FNIP2: variants seen among roughly 807,000 people sequenced by gnomAD.
FNIP2 encodes folliculin-interacting protein 2.
A neutral mutation model predicts 108.7 loss-of-function variants in FNIP2; 32 were observed. The observed-to-expected ratio is 0.29, with a 90% CI of 0.22 to 0.40. The LOEUF (loss-of-function observed/expected upper bound fraction) is 0.40. FNIP2 is among the 10% of genes least tolerant of loss of function. The probability of loss-of-function intolerance (pLI) is 1.00; values close to 1 mark genes in which losing one functional copy is unlikely to be tolerated. For synonymous variants in FNIP2, 480 were observed against 496.7 expected, an observed-to-expected ratio of 0.97 and a Z score of 0.45; for missense variants, 1,202 against 1,381.6, an observed-to-expected ratio of 0.87 and a Z score of 2.06.
intron 1 of FNIP2, among the ~76,000 whole-genome samples, chr4:158,785,220 G>A (rs1270240463): frequency 6.6e-6 from 1 of 151,388 alleles, no homozygotes; most frequent in Admixed American, 6.6e-5. Flanking sequence ...GAGTAGATGG[G>A]ACTACAAGCA....
intron 1 of FNIP2, among the ~76,000 whole-genome samples, chr4:158,794,410 C>T (rs1776515921): frequency 6.6e-6 from 1 of 152,176 alleles, no homozygotes; most frequent in Non-Finnish European, 1.5e-5. Flanking sequence ...CCCAAGTGAG[C>T]CTCGGCCTCC....
chr4:158,788,493 T>A (rs966004416), intron 1 of FNIP2, among the ~76,000 whole-genome samples: 8 of 152,244 alleles, frequency 5.3e-5, no homozygotes, highest in Admixed American at 4.6e-4. Flanking sequence ...TGTGATGATC[T>A]TTTTGCCTTT....
At chr4:158,777,171 G>C (rs1380642617) in intron 1 of FNIP2, among the ~76,000 whole-genome samples, 1 of 152,162 alleles carries the variant, frequency 6.6e-6, no homozygotes, top group East Asian at 1.9e-4. Context: ...GAAATTGTTA[G>C]CTGTGGGTTG....
At chr4:158,880,576 A>T (rs1254393496) in intron 14 of FNIP2, among the ~76,000 whole-genome samples, 1 of 152,232 alleles carries the variant, frequency 6.6e-6, no homozygotes, top group Non-Finnish European at 1.5e-5. Flanking sequence ...TGTACCTTAG[A>T]ACTTAAAGTA....
At chr4:158,783,524 ACTTTT>A (rs1776119607) in intron 1 of FNIP2, among the ~76,000 whole-genome samples, 1 of 152,218 alleles carries the variant, frequency 6.6e-6, no homozygotes, top group African/African-American at 2.4e-5. Flanking sequence ...TGAAGACTCC[ACTTTT>A]CTTTTCATCT....
rs542102688 is a variant in FNIP2 at position 158,861,608 on chromosome 4, T to G, written c.1297T>G (p.Phe433Val). Reference protein sequence around the residue: ...LLIEQINKNQFFAALLTAVLT... With the variant: ...LLIEQINKNQVFAALLTAVLT... ...TGTATCTTTTTCCATTTCTCCAAGG[T>G]TTTTTGCTGCCTTACTGACTGCGGT... The change falls in exon 12 of 17, where the codon TTT (phenylalanine) becomes GTT (valine). Residue 433 changes from phenylalanine (F) to valine (V), a missense_variant and splice_region_variant. Phe to Val is a conservative substitution (Grantham distance 50). This residue lies in a region of FNIP2 where 878 missense variants were observed against 990.3 expected (regional missense o/e 0.89). Coordinates refer to ENST00000264433, the MANE Select transcript of FNIP2 (RefSeq NM_020840.3). The G allele has an allele frequency of 6.2e-7, 1 of 1,613,958 alleles. No homozygotes were observed. The highest frequency in any genetic ancestry group is 1.3e-5 in the African/African-American group (1 of 75,026).
chr4:158,849,694 C>A (rs1258396035), intron 7 of FNIP2, among the ~76,000 whole-genome samples: 7 of 151,966 alleles, frequency 4.6e-5, no homozygotes, highest in Admixed American at 4.6e-4. Context: ...GAAAAATTAC[C>A]TGTTCACTGA....
chr4:158,873,666 T>A (rs888628107), intron 14 of FNIP2, among the ~76,000 whole-genome samples: 1 of 152,262 alleles, frequency 6.6e-6, no homozygotes, highest in Non-Finnish European at 1.5e-5. Flanking sequence ...TTCATTTTTA[T>A]TACTGACTTT....
chr4:158,801,045 C>T (rs1226648792), intron 1 of FNIP2, among the ~76,000 whole-genome samples: 1 of 152,032 alleles, frequency 6.6e-6, no homozygotes, highest in Admixed American at 6.6e-5. Context: ...CAGGTAGTTC[C>T]ACATTTTAAG....
rs532853556 is a variant in FNIP2, at chr4:158,859,142, A to C, written c.943A>C (p.Ile315Leu). Residue 315 changes from isoleucine (I) to leucine (L), a missense_variant, in exon 9 of 17, where the codon ATC becomes CTC. By Grantham distance (5) the Ile-to-Leu change is conservative. Around this residue, in one of 5 missense-constraint regions of FNIP2, gnomAD observed 878 missense variants for 990.3 expected, o/e 0.89. Coordinates refer to ENST00000264433, the MANE Select transcript of FNIP2 (RefSeq NM_020840.3). Reference sequence around the variant, plus strand: ...TAGGAGGAAGAAAATTGCCATAAGCATCATCTTTTCCCTATGTGAGAAAGA... The same window carrying C: ...TAGGAGGAAGAAAATTGCCATAAGCCTCATCTTTTCCCTATGTGAGAAAGA... ...MVRRKKIAIS[I>L]IFSLCEKEEA... 6.2e-7 allele frequency: 1 copy of C among 1,614,032 alleles called. No homozygotes were observed. The highest frequency in any genetic ancestry group is 1.7e-5 in the Admixed American group (1 of 60,030).
chr4:158,861,147 C>G (rs930954173), intron 10 of FNIP2, among the ~76,000 whole-genome samples, 195 bp from the exon 11 acceptor site: 1 of 152,206 alleles, frequency 6.6e-6, no homozygotes, highest in African/African-American at 2.4e-5. Flanking sequence ...CCCAGTAAAA[C>G]TTTTTATTTA....
intron 1 of FNIP2, among the ~76,000 whole-genome samples, chr4:158,774,886 C>G (rs1457447162): frequency 2.0e-5 from 3 of 152,096 alleles, no homozygotes; most frequent in African/African-American, 7.2e-5. Flanking sequence ...AATTTTAAGT[C>G]CTGAAATTTG....
At chr4:158,839,818 C>A (rs1005075379) in intron 7 of FNIP2, among the ~76,000 whole-genome samples, 2 of 152,104 alleles carry the variant, frequency 1.3e-5, no homozygotes, top group Non-Finnish European at 2.9e-5. Context: ...ACAAGATGCT[C>A]CAGAGTCATC....
chr4:158,861,752 T>A lies in FNIP2; in HGVS notation c.1441T>A (p.Tyr481Asn), dbSNP rs772410029. The change falls in exon 12 of 17, where the codon TAT becomes AAT. Residue 481 changes from tyrosine (Y) to asparagine (N), a missense_variant. Tyr to Asn is a moderately radical substitution (Grantham distance 143). Around this residue, in one of 5 missense-constraint regions of FNIP2, gnomAD observed 878 missense variants for 990.3 expected, o/e 0.89. Coordinates refer to ENST00000264433, the MANE Select transcript of FNIP2 (RefSeq NM_020840.3). Reference sequence around the variant, plus strand: ...GAACATGCTGGCCAAAACACATCCGTATAATCCTCTTTGGGCACAGCTGGG... The same window carrying A: ...GAACATGCTGGCCAAAACACATCCGAATAATCCTCTTTGGGCACAGCTGGG... ...SVNMLAKTHP[Y>N]NPLWAQLGDL... 3 of 1,614,038 alleles carry A rather than the reference T, an allele frequency of 1.9e-6. No individual in the cohort carries two copies. Among genetic ancestry groups the A allele is most frequent in the Admixed American group, 3.3e-5 (2 of 60,030 alleles).
Position 158,873,922 on chromosome 4 carries a change from A to T in FNIP2, c.2949+3453A>T, listed in dbSNP as rs372705064. The stretch of plus-strand genomic sequence containing the variant: ...CAGGCGTATGCGCCAGCAGCATTCT[A>T]TGCCTGTGACTCCTGAGTAGCCTTT... On this transcript the variant is annotated intron_variant, in intron 14 of 16. Coordinates refer to ENST00000264433, the MANE Select transcript of FNIP2 (RefSeq NM_020840.3). Among the ~76,000 whole-genome samples the T allele has an allele frequency of 1.5e-4, 23 of 152,274 alleles. 1 individual carries two copies. Among genetic ancestry groups the T allele is most frequent in the Admixed American group, 7.8e-4 (12 of 15,294 alleles).
intron 16 of FNIP2, among the ~76,000 whole-genome samples, chr4:158,903,997 T>G (rs957830347): frequency 6.6e-6 from 1 of 152,238 alleles, no homozygotes; most frequent in African/African-American, 2.4e-5. Flanking sequence ...AGTATAAACT[T>G]TGAACAAATT....
At chr4:158,817,632 C>T (rs909165695) in intron 1 of FNIP2, among the ~76,000 whole-genome samples, 4 of 152,258 alleles carry the variant, frequency 2.6e-5, no homozygotes, top group South Asian at 2.1e-4. Context: ...CTGCAACCTC[C>T]GCCTCCCGGG....
intron 14 of FNIP2, among the ~76,000 whole-genome samples, chr4:158,870,830 C>T (rs772280862): frequency 6.6e-6 from 1 of 152,260 alleles, no homozygotes; most frequent in Non-Finnish European, 1.5e-5. Flanking sequence ...CTGAGCCCGG[C>T]TGAAAGCCAG....
intron 7 of FNIP2, among the ~76,000 whole-genome samples, chr4:158,847,626 G>A (rs1295850404): frequency 6.6e-6 from 1 of 152,134 alleles, no homozygotes; most frequent in Non-Finnish European, 1.5e-5. Flanking sequence ...TGGCTTTGAG[G>A]AGAGGCCCCT....
Sources: allele counts gnomAD v4.1 joint callset (sites outside exome capture counted in the v4.1 genomes callset), GRCh38; gene constraint gnomAD v4.1.1; regional missense constraint gnomAD v4.1.1; transcripts MANE v1.5; gene names NCBI Gene and HGNC (gene_info 2026-07-23, HGNC 2026-07-21).